DPP10: variants seen among roughly 807,000 people sequenced by gnomAD.
The protein encoded by DPP10 is inactive dipeptidyl peptidase 10.
DPP10 carries 33 observed loss-of-function variants against 120.9 expected under a neutral mutation model. The ratio of observed to expected loss-of-function variants is 0.27; its 90% confidence interval spans 0.21 to 0.37. DPP10 has a LOEUF of 0.37. Among genes scored for constraint, DPP10 ranks in the 10% least tolerant of loss-of-function variants. The probability of loss-of-function intolerance (pLI) is 1.00; values close to 1 mark genes in which losing one functional copy is unlikely to be tolerated. For missense variants in DPP10, 816 were observed against 942.8 expected (o/e 0.87, Z 1.76); for synonymous variants, 337 against 326.1 (o/e 1.03, Z -0.36).
intron 1 of DPP10, among the ~76,000 whole-genome samples, chr2:115,170,337 C>A (rs1381686457): frequency 6.6e-6 from 1 of 151,978 alleles, no homozygotes; most frequent in African/African-American, 2.4e-5. Flanking sequence ...CACAAATTTG[C>A]ATTGATAATT....
At chr2:114,701,984 T>C (rs1700411067) in intron 1 of DPP10, among the ~76,000 whole-genome samples, 1 of 152,148 alleles carries the variant, frequency 6.6e-6, no homozygotes, top group Non-Finnish European at 1.5e-5. Context: ...ATTATTGATA[T>C]AGCCACTAGA....
chr2:114,569,043 T>C (rs1327964226), intron 1 of DPP10, among the ~76,000 whole-genome samples: 1 of 152,232 alleles, frequency 6.6e-6, no homozygotes, highest in African/African-American at 2.4e-5. Flanking sequence ...CTTTTTTATA[T>C]ATGATTCTGC....
chr2:115,513,638 A>G (rs764175883), intron 4 of DPP10, among the ~76,000 whole-genome samples: 1 of 152,056 alleles, frequency 6.6e-6, no homozygotes, highest in African/African-American at 2.4e-5. Context: ...TCAATGGCAT[A>G]CAAACATTAT....
intron 1 of DPP10, among the ~76,000 whole-genome samples, chr2:114,912,778 A>G (rs1694468265): frequency 6.6e-6 from 1 of 152,188 alleles, no homozygotes; most frequent in African/African-American, 2.4e-5. Context: ...GACCTCCAGA[A>G]TCTTAGCTGC....
intron 1 of DPP10, among the ~76,000 whole-genome samples, chr2:115,079,613 A>T (rs938372675): frequency 6.6e-6 from 1 of 152,088 alleles, no homozygotes; most frequent in Non-Finnish European, 1.5e-5. Flanking sequence ...CTGGGGCTGG[A>T]GAAGCAGCCC....
rs1173039963 is a variant in DPP10 at position 115,763,153 on chromosome 2, T to C, written c.1113+543T>C. ...AAACAACACAAATAGCTTATTTAAA[T>C]ATAGCTGAATTCATTTTACTCTTAA... On this transcript the variant is annotated intron_variant, in intron 12 of 25. Coordinates refer to ENST00000410059, the MANE Select transcript of DPP10 (RefSeq NM_020868.6). Among the ~76,000 whole-genome samples, 6 of 152,312 alleles carry C rather than the reference T, an allele frequency of 3.9e-5. No individual in the cohort carries two copies. The South Asian group carries it at 8.3e-4, about 21-fold the overall frequency.
intron 1 of DPP10, among the ~76,000 whole-genome samples, chr2:115,229,517 G>A (rs1460513544): frequency 2.0e-5 from 3 of 151,994 alleles, no homozygotes; most frequent in Non-Finnish European, 2.9e-5. Flanking sequence ...CATAGTTTGA[G>A]GTCTTAGATT....
intron 1 of DPP10, among the ~76,000 whole-genome samples, chr2:114,445,541 TGTGTGTGTGTG>T (rs1677892583): frequency 8.2e-5 from 3 of 36,684 alleles, no homozygotes; most frequent in South Asian, 6.9e-4. Context: ...GCTCTGTGTG[TGTGTGTGTGTG>T]TGTGTGTGTG....
At chr2:115,073,380 C>A (rs1193820133) in intron 1 of DPP10, among the ~76,000 whole-genome samples, 9 of 152,198 alleles carry the variant, frequency 5.9e-5, no homozygotes, top group Non-Finnish European at 1.2e-4. Flanking sequence ...AGTGGAGGAT[C>A]CCTGTATTAG....
At chr2:114,670,033 A>C (rs1698211012) in intron 1 of DPP10, among the ~76,000 whole-genome samples, 1 of 152,122 alleles carries the variant, frequency 6.6e-6, no homozygotes, top group Non-Finnish European at 1.5e-5. Context: ...GGTGCTGGAG[A>C]GGATGTGGAG....
At chr2:115,197,851 A>G (rs919792351) in intron 1 of DPP10, among the ~76,000 whole-genome samples, 1 of 152,198 alleles carries the variant, frequency 6.6e-6, no homozygotes, top group Admixed American at 6.5e-5. Flanking sequence ...TAATTAGATA[A>G]ACTACCTAGC....
intron 1 of DPP10, among the ~76,000 whole-genome samples, chr2:114,971,049 A>C (rs962656841): frequency 6.6e-6 from 1 of 152,206 alleles, no homozygotes; most frequent in Admixed American, 6.5e-5. Flanking sequence ...TTATAAACAT[A>C]ACTCAGCTCA....
At chr2:114,753,908 CAAAAAAAAAAA>C (rs777798352) in intron 1 of DPP10, among the ~76,000 whole-genome samples, 2 of 33,766 alleles carry the variant, frequency 5.9e-5, no homozygotes, top group African/African-American at 8.9e-5. Flanking sequence ...GACTCCTTCT[CAAAAAAAAAAA>C]AAAAAAAAAA....
chr2:114,595,519 C>T (rs541369068), intron 1 of DPP10, among the ~76,000 whole-genome samples: 64 of 152,232 alleles, frequency 4.2e-4, no homozygotes, highest in Non-Finnish European at 6.0e-4. Flanking sequence ...AAAGTAGTCT[C>T]GCTGTTATTG....
chr2:115,576,424 T>G (rs2081660017), intron 5 of DPP10, among the ~76,000 whole-genome samples: 1 of 152,220 alleles, frequency 6.6e-6, no homozygotes, highest in African/African-American at 2.4e-5. Context: ...CTCAGGTTCC[T>G]AATCTCAAGA....
intron 1 of DPP10, among the ~76,000 whole-genome samples, chr2:114,529,255 C>T (rs1222348882): frequency 6.6e-6 from 1 of 152,114 alleles, no homozygotes; most frequent in Admixed American, 6.6e-5. Context: ...GCTACATTTT[C>T]TTTAGGCCAA....
intron 1 of DPP10, among the ~76,000 whole-genome samples, chr2:115,237,320 A>G (rs2058053960): frequency 6.6e-6 from 1 of 152,156 alleles, no homozygotes; most frequent in African/African-American, 2.4e-5. Context: ...TTGGAGTGCC[A>G]TGAACCATGT....
intron 6 of DPP10, 40 bp downstream of exon 6, chr2:115,689,779 T>G: frequency 6.2e-7 from 1 of 1,607,978 alleles, no homozygotes; most frequent in Non-Finnish European, 8.5e-7. Flanking sequence ...AGCAATTGTG[T>G]TACTAAATTG....
chr2:115,241,269 AAAAT>A (rs58134986), intron 1 of DPP10, among the ~76,000 whole-genome samples: 2 of 151,050 alleles, frequency 1.3e-5, no homozygotes, highest in Non-Finnish European at 2.9e-5. Flanking sequence ...ACTCTATCTC[AAAAT>A]AAATAAATAA....
Sources: allele counts gnomAD v4.1 joint callset (sites outside exome capture counted in the v4.1 genomes callset), GRCh38; gene constraint gnomAD v4.1.1; transcripts MANE v1.5; gene names NCBI Gene and HGNC (gene_info 2026-07-23, HGNC 2026-07-21).